Variants in NELL1 observed in about 807,000 individuals in gnomAD.
The protein encoded by NELL1 is protein kinase C-binding protein NELL1.
NELL1 carries 76 observed loss-of-function variants against 107.4 expected under a neutral mutation model. The ratio of observed to expected loss-of-function variants is 0.71; its 90% CI spans 0.59 to 0.86. NELL1 has a LOEUF of 0.86. NELL1 is among the 40% of genes least tolerant of loss of function. The pLI is 0.00. For missense variants in NELL1, 1,024 were observed against 1,005.5 expected (o/e 1.02, Z -0.25); for synonymous variants, 353 against 341.2 (o/e 1.03, Z -0.38).
At chr11:20,931,439 G>C (rs1850616106) in intron 9 of NELL1, among the ~76,000 whole-genome samples, 1 of 152,112 alleles carries the variant, frequency 6.6e-6, no homozygotes, top group African/African-American at 2.4e-5. Flanking sequence ...ATTTACTTTG[G>C]TTGTCCCTTT....
chr11:21,137,184 G>A (rs957586923), intron 13 of NELL1, among the ~76,000 whole-genome samples: 1 of 152,202 alleles, frequency 6.6e-6, no homozygotes, highest in Non-Finnish European at 1.5e-5. Flanking sequence ...TTGAAATAGA[G>A]ATGTGAATCA....
intron 11 of NELL1, among the ~76,000 whole-genome samples, chr11:20,957,305 AG>A: frequency 6.6e-6 from 1 of 152,372 alleles, no homozygotes. Flanking sequence ...CTAAAAGCTT[AG>A]GGCTAGACTT....
At chr11:21,449,761 T>C (rs1390952775) in intron 15 of NELL1, among the ~76,000 whole-genome samples, 1 of 152,230 alleles carries the variant, frequency 6.6e-6, no homozygotes, top group Non-Finnish European at 1.5e-5. Flanking sequence ...GTTTTATTGT[T>C]CTGTTGCATG....
intron 12 of NELL1, among the ~76,000 whole-genome samples, chr11:21,107,177 A>C (rs1397949518): frequency 6.6e-6 from 1 of 152,168 alleles, no homozygotes; most frequent in African/African-American, 2.4e-5. Flanking sequence ...ATATACATTT[A>C]GGGTTCACTC....
chr11:20,828,972 T>C (rs1001404081), intron 3 of NELL1, among the ~76,000 whole-genome samples: 4 of 152,184 alleles, frequency 2.6e-5, no homozygotes, highest in Non-Finnish European at 4.4e-5. Flanking sequence ...TTTCCTTTTT[T>C]GCAAGTCCAA....
chr11:20,916,216 A>G (rs896735247), intron 5 of NELL1, among the ~76,000 whole-genome samples: 9 of 151,906 alleles, frequency 5.9e-5, no homozygotes, highest in Non-Finnish European at 1.3e-4. Flanking sequence ...TGTTCAAGTC[A>G]ACATCATTGA....
At position 21,105,651 on chromosome 11, in the gene NELL1, T is replaced by C. The variant is rs113171030; in HGVS notation, c.1301-7938T>C. 5.1e-3 allele frequency among the ~76,000 whole-genome samples: 784 copies of C among 152,250 alleles called. 8 individuals are homozygous for C. The highest frequency in any genetic ancestry group is 0.018 in the African/African-American group (756 of 41,550). The stretch of plus-strand genomic sequence containing the variant: ...TCTGCAGCTCGATTTTATGGGTTGC[T>C]CTTTGTTAGAAAAGAAATTGATTTT... On this transcript the variant is annotated intron_variant, in intron 12 of 19. Coordinates refer to ENST00000357134, the MANE Select transcript of NELL1 (RefSeq NM_006157.5).
intron 12 of NELL1, among the ~76,000 whole-genome samples, chr11:21,007,935 C>G (rs1428650830): frequency 6.6e-6 from 1 of 152,052 alleles, no homozygotes; most frequent in Non-Finnish European, 1.5e-5. Context: ...AAGTTAATGC[C>G]TCAACCTGAA....
intron 5 of NELL1, among the ~76,000 whole-genome samples, chr11:20,916,783 G>A (rs551864338): frequency 8.6e-5 from 13 of 151,990 alleles, no homozygotes; most frequent in East Asian, 3.9e-4. Flanking sequence ...AAGCATAGAT[G>A]TCTAAAATGT....
intron 15 of NELL1, among the ~76,000 whole-genome samples, chr11:21,373,036 A>G (rs1174491632): frequency 2.0e-5 from 3 of 152,114 alleles, no homozygotes; most frequent in African/African-American, 2.4e-5. Context: ...TAAAGTTGAC[A>G]TGGAGAATTG....
chr11:20,894,602 A>T (rs1389101330), intron 5 of NELL1, among the ~76,000 whole-genome samples: 1 of 152,226 alleles, frequency 6.6e-6, no homozygotes, highest in Non-Finnish European at 1.5e-5. Context: ...GGGTCAAATT[A>T]AAAACACAGA....
At chr11:20,708,381 C>T (rs1485927232) in intron 2 of NELL1, among the ~76,000 whole-genome samples, 1 of 152,182 alleles carries the variant, frequency 6.6e-6, no homozygotes, top group Non-Finnish European at 1.5e-5. Flanking sequence ...GAACTGGGTA[C>T]CGCAGTTGGA....
chr11:21,568,236 C>G (rs1480080549), intron 17 of NELL1, among the ~76,000 whole-genome samples: 1 of 151,534 alleles, frequency 6.6e-6, no homozygotes, highest in Non-Finnish European at 1.5e-5. Flanking sequence ...ATTTGTATAT[C>G]CAAACGTAGA....
At chr11:20,880,153 T>C (rs1317946058) in intron 4 of NELL1, among the ~76,000 whole-genome samples, 1 of 152,234 alleles carries the variant, frequency 6.6e-6, no homozygotes, top group Non-Finnish European at 1.5e-5. Context: ...ATTGTAACAT[T>C]GAAATATCAA....
intron 15 of NELL1, among the ~76,000 whole-genome samples, chr11:21,512,477 G>A (rs531041258): frequency 6.6e-6 from 1 of 152,158 alleles, no homozygotes; most frequent in East Asian, 1.9e-4. Flanking sequence ...TTGATATATA[G>A]TGATATTATA....
chr11:21,429,165 A>T (rs551978318), intron 15 of NELL1, among the ~76,000 whole-genome samples: 4 of 152,308 alleles, frequency 2.6e-5, no homozygotes, highest in African/African-American at 7.2e-5. Context: ...TTATTCATGT[A>T]AAAAATGGTT....
At chr11:21,284,756 C>T (rs1849078318) in intron 14 of NELL1, 4 of 344,068 alleles carry the variant, frequency 1.2e-5, no homozygotes, top group South Asian at 9.0e-5. Context: ...ATCTGGCAAA[C>T]CCTACCGCCA....
chr11:21,118,779 G>A (rs1855295595), intron 13 of NELL1, among the ~76,000 whole-genome samples: 1 of 151,954 alleles, frequency 6.6e-6, no homozygotes, highest in Admixed American at 6.6e-5. Flanking sequence ...ACCATGTCAA[G>A]GTCATATTTT....
intron 12 of NELL1, among the ~76,000 whole-genome samples, chr11:20,975,570 TGTATTATATACACATATGTAGATATA>T (rs1851589750): frequency 1.5e-5 from 2 of 137,504 alleles, no homozygotes; most frequent in African/African-American, 5.6e-5. Flanking sequence ...ACAGATATAA[TGTATTATATACACATATGTAGATATA>T]ATGTATTATA....
Sources: gnomAD v4.1 joint callset for allele counts (sites outside exome capture counted in the v4.1 genomes callset) on GRCh38, gnomAD v4.1.1 for gene constraint, MANE v1.5 for transcripts, NCBI Gene and HGNC (gene_info 2026-07-23, HGNC 2026-07-21) for gene names.